Variants in CDH18 observed in about 807,000 individuals in gnomAD.
The protein encoded by CDH18 is cadherin 18, also known as cadherin-18.
In CDH18, 31 loss-of-function variants were observed where a neutral mutation model predicts 67.9. The observed-to-expected ratio is 0.46, with a 90% CI of 0.34 to 0.62. The LOEUF (loss-of-function observed/expected upper bound fraction) is 0.62. Among genes scored for constraint, CDH18 ranks in the 20% least tolerant of loss-of-function variants. The pLI is 0.01. For missense variants in CDH18, 890 were observed against 975.5 expected (o/e 0.91, Z 1.17); for synonymous variants, 362 against 347.2 (o/e 1.04, Z -0.48).
chr5:20,277,921 A>G (rs1036987530), intron 1 of CDH18, among the ~76,000 whole-genome samples: 1 of 152,180 alleles, frequency 6.6e-6, no homozygotes, highest in Non-Finnish European at 1.5e-5. Flanking sequence ...CATGCAGAAG[A>G]AAGAATAAGT....
At chr5:19,599,605 A>T (rs879904334) in intron 6 of CDH18, among the ~76,000 whole-genome samples, 2 of 152,098 alleles carry the variant, frequency 1.3e-5, no homozygotes, top group Non-Finnish European at 2.9e-5. Flanking sequence ...AAGAGTGACT[A>T]AAAAAACACA....
chr5:19,665,846 A>C lies in CDH18; in HGVS notation c.644-53245T>G, dbSNP rs529386984. Among the ~76,000 whole-genome samples the C allele has an allele frequency of 7.4e-4, 112 of 152,190 alleles. 1 individual carries two copies. The highest frequency in any genetic ancestry group is 2.5e-3 in the African/African-American group (105 of 41,540). On this transcript the variant is annotated intron_variant, in intron 5 of 12. Transcript: ENST00000382275. The stretch of plus-strand genomic sequence containing the variant: ...TTTAAATTTAAGTTCTTAATAACAC[A>C]GAACTTTAGATTTTTAATACTGAGC...
At chr5:20,396,344 G>C (rs191797413) in intron 1 of CDH18, among the ~76,000 whole-genome samples, 1 of 151,842 alleles carries the variant, frequency 6.6e-6, no homozygotes, top group Admixed American at 6.6e-5. Context: ...GTGTTGTGTT[G>C]AGTGGTATTC....
At chr5:19,667,388 A>C (rs1286756302) in intron 5 of CDH18, among the ~76,000 whole-genome samples, 1 of 151,004 alleles carries the variant, frequency 6.6e-6, no homozygotes, top group African/African-American at 2.4e-5. Context: ...AATTATTAAA[A>C]TAGATTATAT....
intron 5 of CDH18, among the ~76,000 whole-genome samples, chr5:19,639,387 T>C (rs1453631722): frequency 6.6e-6 from 1 of 152,182 alleles, no homozygotes; most frequent in Admixed American, 6.5e-5. Flanking sequence ...TAGCAGCCAC[T>C]GGGTGGATGC....
At chr5:20,351,318 A>G (rs1351994189) in intron 1 of CDH18, among the ~76,000 whole-genome samples, 3 of 151,834 alleles carry the variant, frequency 2.0e-5, no homozygotes, top group African/African-American at 4.8e-5. Flanking sequence ...TACAGATTCA[A>G]TAACTATTTG....
chr5:19,903,796 A>G (rs940722657), intron 2 of CDH18, among the ~76,000 whole-genome samples: 2 of 151,864 alleles, frequency 1.3e-5, no homozygotes, highest in East Asian at 3.9e-4. Context: ...TCCAAATTGC[A>G]TGCTGACAAC....
At chr5:19,859,642 A>C (rs1358636755) in intron 2 of CDH18, among the ~76,000 whole-genome samples, 8 of 152,158 alleles carry the variant, frequency 5.3e-5, no homozygotes, top group African/African-American at 1.9e-4. Flanking sequence ...TTCACATAAT[A>C]ACTCTTTCAA....
At chr5:20,157,920 A>G (rs527685113) in intron 2 of CDH18, among the ~76,000 whole-genome samples, 85 of 152,148 alleles carry the variant, frequency 5.6e-4, no homozygotes, top group Admixed American at 1.4e-3. Context: ...GATTACAGGC[A>G]TGTGCCAACC....
intron 3 of CDH18, among the ~76,000 whole-genome samples, chr5:19,782,932 A>T (rs1291831954): frequency 6.6e-6 from 1 of 152,210 alleles, no homozygotes; most frequent in Non-Finnish European, 1.5e-5. Context: ...AAGCAATAAT[A>T]TATCAATATT....
intron 2 of CDH18, among the ~76,000 whole-genome samples, chr5:19,840,564 T>C (rs976887354): frequency 2.6e-5 from 4 of 151,622 alleles, no homozygotes; most frequent in Admixed American, 1.3e-4. Context: ...TAGGTGGGCA[T>C]GGTGGTGCAC....
chr5:19,663,374 T>A (rs1298596326), intron 5 of CDH18, among the ~76,000 whole-genome samples: 1 of 152,024 alleles, frequency 6.6e-6, no homozygotes, highest in Admixed American at 6.6e-5. Context: ...TTCCTTCTGT[T>A]TTCAAGTTTT....
chr5:19,660,441 G>GGA (rs1219444163), intron 5 of CDH18, among the ~76,000 whole-genome samples: 1 of 152,078 alleles, frequency 6.6e-6, no homozygotes, highest in Non-Finnish European at 1.5e-5. Context: ...ATTTCCCTAA[G>GGA]GAGAGATTAA....
chr5:19,483,275 C>T (rs574595106), intron 12 of CDH18, 26 bp downstream of exon 12: 3 of 1,584,972 alleles, frequency 1.9e-6, no homozygotes, highest in African/African-American at 2.7e-5. Context: ...TGCCATCATG[C>T]AAACTTAGGG....
At chr5:20,106,004 C>T (rs1746903869) in intron 2 of CDH18, among the ~76,000 whole-genome samples, 1 of 151,918 alleles carries the variant, frequency 6.6e-6, no homozygotes, top group Admixed American at 6.6e-5. Context: ...CTTTTCTGTC[C>T]CCCTTTTTTT....
chr5:19,757,979 C>A (rs1232914055), intron 3 of CDH18, among the ~76,000 whole-genome samples: 1 of 152,138 alleles, frequency 6.6e-6, no homozygotes. Context: ...ATCTGTGAAC[C>A]AGGCTCGAGT....
At chr5:19,553,585 T>C (rs561297772) in intron 8 of CDH18, among the ~76,000 whole-genome samples, 1 of 151,494 alleles carries the variant, frequency 6.6e-6, no homozygotes, top group South Asian at 2.1e-4. Flanking sequence ...TGGGATAAAG[T>C]TTAATCAATA....
At chr5:19,954,539 T>G (rs967000287) in intron 2 of CDH18, among the ~76,000 whole-genome samples, 1 of 152,064 alleles carries the variant, frequency 6.6e-6, no homozygotes, top group Non-Finnish European at 1.5e-5. Flanking sequence ...TATAGAGATT[T>G]ATATTAAACA....
chr5:20,129,123 T>C (rs1176361834), intron 2 of CDH18, among the ~76,000 whole-genome samples: 1 of 152,008 alleles, frequency 6.6e-6, no homozygotes. Flanking sequence ...AAGTACCTGT[T>C]GATCAGCCTT....
Sources: gnomAD v4.1 joint callset for allele counts (sites outside exome capture counted in the v4.1 genomes callset) on GRCh38, gnomAD v4.1.1 for gene constraint, MANE v1.5 for transcripts, NCBI Gene and HGNC (gene_info 2026-07-23, HGNC 2026-07-21) for gene names.